The following FRMD3 variants were observed in gnomAD, a reference collection of about 807,000 sequenced individuals.
FRMD3 encodes FERM domain containing 3.
In FRMD3, 33 loss-of-function variants were observed where a neutral mutation model predicts 70.2. That is an observed-to-expected ratio of 0.47 (90% CI 0.36 to 0.63). FRMD3 has a LOEUF of 0.63. Ranked by LOEUF, FRMD3 falls within the 20% of genes least tolerant of loss-of-function variation. FRMD3 has a pLI of 0.00. For missense variants in FRMD3, 632 were observed against 711.4 expected, an observed-to-expected ratio of 0.89 and a Z score of 1.27; for synonymous variants, 279 against 255.9, an observed-to-expected ratio of 1.09 and a Z score of -0.86.
At chr9:83,434,200 G>C (rs1301181632) in intron 1 of FRMD3, among the ~76,000 whole-genome samples, 1 of 152,218 alleles carries the variant, frequency 6.6e-6, no homozygotes, top group Non-Finnish European at 1.5e-5. Flanking sequence ...GGTGTACCTT[G>C]ACCACTGGAC....
intron 1 of FRMD3, among the ~76,000 whole-genome samples, chr9:83,524,121 C>T (rs566639148): frequency 1.3e-4 from 20 of 152,292 alleles, no homozygotes; most frequent in African/African-American, 4.8e-4. Context: ...TTCTAAAAGT[C>T]CTCTAAATAC....
the FRMD3 span, among the ~76,000 whole-genome samples, chr9:83,551,990 T>C: frequency 2.6e-5 from 4 of 152,208 alleles, no homozygotes; most frequent in East Asian, 5.8e-4. Flanking sequence ...CTCTGATTTT[T>C]GTTATTTCTT....
chr9:83,578,161 G>A, the FRMD3 span, among the ~76,000 whole-genome samples: 2 of 151,820 alleles, frequency 1.3e-5, no homozygotes, highest in Non-Finnish European at 3.0e-5. Flanking sequence ...GACCAATAAT[G>A]AGTAAGGAGC....
chr9:83,390,696 T>C (rs1160511965), intron 1 of FRMD3, among the ~76,000 whole-genome samples: 1 of 152,230 alleles, frequency 6.6e-6, no homozygotes, highest in East Asian at 1.9e-4. Flanking sequence ...GCAAAGACCC[T>C]TCTAAGCCCT....
chr9:83,376,958 GTTGT>G (rs34740339), intron 2 of FRMD3, among the ~76,000 whole-genome samples: 104,601 of 151,392 alleles, frequency 0.69, 36,416 homozygotes, highest in Admixed American at 0.73. Flanking sequence ...AGAAATTGTG[GTTGT>G]TTAAGAATGA....
At chr9:83,509,724 C>G (rs1385168098) in intron 1 of FRMD3, among the ~76,000 whole-genome samples, 2 of 152,168 alleles carry the variant, frequency 1.3e-5, no homozygotes, top group African/African-American at 4.8e-5. Flanking sequence ...TTGCTTCTTA[C>G]TACTGCATGT....
In FRMD3 at chr9:83,430,513, G is replaced by C. The variant is rs555294556; in HGVS notation, c.148-40805C>G. On this transcript the variant is annotated intron_variant, in intron 1 of 13. Coordinates refer to ENST00000304195, the MANE Select transcript of FRMD3 (RefSeq NM_174938.6). ...GTAGAAAAGAGTAATTAGTAAGCTG[G>C]CAGATCATAAGTCTCTCCACATATT... 3.9e-5 allele frequency among the ~76,000 whole-genome samples: 6 copies of C among 152,270 alleles called. No homozygotes were observed. The South Asian group carries it at 1.2e-3, about 32-fold the overall frequency.
intron 13 of FRMD3, among the ~76,000 whole-genome samples, chr9:83,272,992 C>G (rs1472592753): frequency 6.6e-6 from 1 of 151,430 alleles, no homozygotes; most frequent in Non-Finnish European, 1.5e-5. Flanking sequence ...GGCAGCCGCC[C>G]CGTCCGGGAG....
At chr9:83,531,387 T>C (rs550878962) in intron 1 of FRMD3, among the ~76,000 whole-genome samples, 1 of 152,346 alleles carries the variant, frequency 6.6e-6, no homozygotes, top group East Asian at 1.9e-4. Context: ...TGCCTTTGCT[T>C]TGAAAATATC....
Position 83,245,257 on chromosome 9 carries a change from AACTCTATATCTC to A in FRMD3, c.*2649_*2660del. 1 of 985,352 alleles carries A rather than the reference AACTCTATATCTC, an allele frequency of 1.0e-6. No individual in the cohort carries two copies. Among genetic ancestry groups the A allele is most frequent in the Non-Finnish European group, 1.2e-6 (1 of 829,838 alleles). The allele number at this position is 985,352 out of a possible 1,614,324, so 61.0% of individuals were successfully genotyped here. ...TACATATACTCACACACTTGCTTTA[AACTCTATATCTC>A]ACTCTATAATATACTGTCCATCTCT... is the stretch of plus-strand genomic sequence containing the variant. On this transcript the variant is annotated 3_prime_UTR_variant, in exon 14 of 14. Coordinates refer to ENST00000304195, the MANE Select transcript of FRMD3 (RefSeq NM_174938.6).
chr9:83,326,166 C>T (rs1293318090), intron 6 of FRMD3, among the ~76,000 whole-genome samples: 3 of 152,138 alleles, frequency 2.0e-5, no homozygotes, highest in South Asian at 2.1e-4. Context: ...AAAAAGAGTA[C>T]CTACCTCCAA....
rs995674541 is a variant in FRMD3 at position 83,497,551 on chromosome 9, C to T, written c.147+40534G>A. Among the ~76,000 whole-genome samples the T allele has an allele frequency of 5.3e-5, 8 of 152,324 alleles. No individual in the cohort carries two copies. The East Asian group carries it at 7.7e-4, about 15-fold the overall frequency. On this transcript the variant is annotated intron_variant, in intron 1 of 13. Coordinates refer to ENST00000304195, the MANE Select transcript of FRMD3 (RefSeq NM_174938.6). The stretch of plus-strand genomic sequence containing the variant: ...GTATGGAAAAGACATTTACTACTTA[C>T]CAAATACCCGTGGGCTCCTCCACAT...
intron 10 of FRMD3, among the ~76,000 whole-genome samples, chr9:83,308,752 C>T (rs1331628609): frequency 6.6e-6 from 1 of 152,180 alleles, no homozygotes; most frequent in Non-Finnish European, 1.5e-5. Context: ...TAGGCTCTGA[C>T]AGCATTCCAC....
At chr9:83,345,990 C>T (rs1477339889) in intron 4 of FRMD3, among the ~76,000 whole-genome samples, 1 of 152,042 alleles carries the variant, frequency 6.6e-6, no homozygotes, top group African/African-American at 2.4e-5. Flanking sequence ...GGCACAGAGG[C>T]TCACGTCTGT....
chr9:83,245,494 T>C lies in FRMD3; in HGVS notation c.*2424A>G, dbSNP rs1396285394. The C allele has an allele frequency of 1.0e-6, 1 of 983,360 alleles. No homozygotes were observed. Among genetic ancestry groups the C allele is most frequent in the Non-Finnish European group, 1.2e-6 (1 of 828,170 alleles). 60.9% of individuals were successfully genotyped at this position (983,360 alleles called of 1,614,324 possible). ...ACTTAAAAACATTTCTATTCAACAA[T>C]GAAGTTTCCACCTAAGAGAAAAGAG... On this transcript the variant is annotated 3_prime_UTR_variant, in exon 14 of 14. Coordinates refer to ENST00000304195, the MANE Select transcript of FRMD3 (RefSeq NM_174938.6).
Position 83,248,150 on chromosome 9 carries a change from A to C in FRMD3, c.1562T>G (p.Val521Gly). ...GGAAAAACTCTTGACCAGTGGGTTC[A>C]CCCGAATATGGCCAGTCAGAATGTC... ...SYDILTGHIR[V>G]NPLVKSFSRL... The change falls in exon 14 of 14, where the codon GTG (valine) becomes GGG (glycine). Residue 521 changes from valine to glycine, a missense_variant. Val to Gly is a moderately radical substitution (Grantham distance 109, BLOSUM62 -3). This residue lies in a region of FRMD3 where 418 missense variants were observed against 442.1 expected (regional missense o/e 0.95). Transcript: ENST00000304195. 6.2e-7 allele frequency: 1 copy of C among 1,614,186 alleles called. No individual in the cohort carries two copies. Among genetic ancestry groups the C allele is most frequent in the Non-Finnish European group, 8.5e-7 (1 of 1,180,026 alleles).
chr9:83,320,460 T>C (rs1394748984), intron 6 of FRMD3, among the ~76,000 whole-genome samples: 1 of 152,152 alleles, frequency 6.6e-6, no homozygotes, highest in East Asian at 1.9e-4. Context: ...CATTTATGGA[T>C]TTATGTATAT....
intron 5 of FRMD3, among the ~76,000 whole-genome samples, chr9:83,338,196 AACAAGATGTTACTTTAT>A (rs1435330804): frequency 6.6e-6 from 1 of 152,204 alleles, no homozygotes; most frequent in Non-Finnish European, 1.5e-5. Flanking sequence ...TGCAAACCAA[AACAAGATGTTACTTTAT>A]ACCTATAACA....
the FRMD3 span, among the ~76,000 whole-genome samples, chr9:83,569,275 T>C: frequency 3.3e-5 from 5 of 152,236 alleles, no homozygotes; most frequent in Admixed American, 6.5e-5. Context: ...TAAAAATGCA[T>C]ACCATCTACT....
Sources: allele counts gnomAD v4.1 joint callset (sites outside exome capture counted in the v4.1 genomes callset), GRCh38; gene constraint gnomAD v4.1.1; regional missense constraint gnomAD v4.1.1; transcripts MANE v1.5; gene names NCBI Gene and HGNC (gene_info 2026-07-23, HGNC 2026-07-21).